Variants in PARD3 observed in about 807,000 individuals in gnomAD.
PARD3 encodes the protein partitioning defective 3 homolog.
PARD3 carries 75 observed loss-of-function variants against 155.4 expected under a neutral mutation model. The observed-to-expected ratio is 0.48, with a 90% CI of 0.40 to 0.58. The LOEUF is 0.58. Among genes scored for constraint, PARD3 ranks in the 20% least tolerant of loss-of-function variants. PARD3 has a pLI of 0.00. For synonymous variants in PARD3, 576 were observed against 610.5 expected, an observed-to-expected ratio of 0.94 and a Z score of 0.83; for missense variants, 1,642 against 1,721.7, an observed-to-expected ratio of 0.95 and a Z score of 0.82.
chr10:34,152,029 T>C (rs1425746686), intron 22 of PARD3, among the ~76,000 whole-genome samples: 1 of 152,190 alleles, frequency 6.6e-6, no homozygotes, highest in African/African-American at 2.4e-5. Context: ...TTGCCTTTTC[T>C]TAAAAGACCA....
intron 2 of PARD3, among the ~76,000 whole-genome samples, chr10:34,537,632 G>A (rs2083313192): frequency 6.6e-6 from 1 of 152,186 alleles, no homozygotes; most frequent in South Asian, 2.1e-4. Flanking sequence ...AAGCCACTCT[G>A]ACAATAAAAT....
intron 4 of PARD3, among the ~76,000 whole-genome samples, chr10:34,453,342 TTAA>T (rs1234861997): frequency 1.3e-5 from 2 of 152,246 alleles, no homozygotes; most frequent in Non-Finnish European, 2.9e-5. Context: ...TAATTTTACT[TTAA>T]CTATGGTTCT....
rs111426615 is a variant in PARD3, at chr10:34,324,231, C to G, written c.2833+6886G>C. 3.5e-3 allele frequency among the ~76,000 whole-genome samples: 533 copies of G among 152,290 alleles called. 1 individual carries two copies. The highest frequency in any genetic ancestry group is 0.012 in the African/African-American group (498 of 41,552). The stretch of plus-strand genomic sequence containing the variant: ...CTTTGCTTTTGTGTGTGTGAGGAAT[C>G]AGAATGCCTGCTTCCCAAAAGCGAA... On this transcript the variant is annotated intron_variant, in intron 19 of 24. Coordinates refer to ENST00000374788, the MANE Select transcript of PARD3 (RefSeq NM_001184785.2).
At chr10:34,412,730 A>G (rs1430370307) in intron 5 of PARD3, among the ~76,000 whole-genome samples, 1 of 152,196 alleles carries the variant, frequency 6.6e-6, no homozygotes, top group Non-Finnish European at 1.5e-5. Context: ...TTCCCTTGCG[A>G]TATAATTAAA....
chr10:34,574,495 A>C (rs1023261000), intron 2 of PARD3, among the ~76,000 whole-genome samples: 1 of 152,204 alleles, frequency 6.6e-6, no homozygotes, highest in Non-Finnish European at 1.5e-5. Context: ...ATTCACCAGG[A>C]ATCAAAGACA....
chr10:34,294,417 G>A (rs964144863), intron 20 of PARD3, among the ~76,000 whole-genome samples: 5 of 152,328 alleles, frequency 3.3e-5, no homozygotes, highest in African/African-American at 9.6e-5. Context: ...AAAGTTTTGG[G>A]ATTGGTGGTG....
chr10:34,179,848 AGAG>A (rs1345179182), intron 22 of PARD3, among the ~76,000 whole-genome samples: 3 of 152,150 alleles, frequency 2.0e-5, no homozygotes, highest in African/African-American at 4.8e-5. Context: ...AAAAAGCAAA[AGAG>A]GAGAAAGGGC....
At chr10:34,196,642 T>C (rs1274477) in intron 22 of PARD3, among the ~76,000 whole-genome samples, 66,891 of 147,810 alleles carry the variant, frequency 0.45, 15,478 homozygotes, top group African/African-American at 0.52. Context: ...GGCTCGATCT[T>C]GGCTCACTGC....
At chr10:34,758,765 G>C (rs763370237) in intron 1 of PARD3, among the ~76,000 whole-genome samples, 1 of 152,190 alleles carries the variant, frequency 6.6e-6, no homozygotes, top group Non-Finnish European at 1.5e-5. Flanking sequence ...GCAAGAACTA[G>C]AAAAGTCCAA....
intron 1 of PARD3, among the ~76,000 whole-genome samples, chr10:34,742,959 C>T (rs551235248): frequency 1.6e-4 from 25 of 152,254 alleles, no homozygotes; most frequent in Admixed American, 8.5e-4. Context: ...GTGCCAAGTA[C>T]CACTCAGCCA....
chr10:34,405,035 G>T (rs191435875), intron 5 of PARD3, among the ~76,000 whole-genome samples: 1 of 151,222 alleles, frequency 6.6e-6, no homozygotes. Flanking sequence ...GCATGCCACT[G>T]CACTCCAGCC....
chr10:34,246,093 C>G (rs1778871), intron 22 of PARD3, among the ~76,000 whole-genome samples: 38,354 of 152,158 alleles, frequency 0.25, 8,255 homozygotes, highest in African/African-American at 0.59. Context: ...ACACATTTTC[C>G]TGATGGCCTC....
In PARD3 at chr10:34,111,241, G is replaced by T. The variant is rs368043710; in HGVS notation, c.3990C>A (p.Pro1330=). The part of the protein sequence containing the change: ...PPKGPFRQDV[P]PSPSQVARLN... ...GCCTCGCAACCTGAGAAGGGGAGGG[G>T]GGCACATCTTGCCGGAAGGGCCCCT... is the stretch of plus-strand genomic sequence containing the variant. Residue 1330 remains proline (P), a synonymous_variant, in exon 25 of 25, where the codon CCC becomes CCA. Transcript: ENST00000374788. 6.2e-6 allele frequency: 10 copies of T among 1,612,386 alleles called. No individual in the cohort carries two copies. Among genetic ancestry groups the T allele is most frequent in the Non-Finnish European group, 8.5e-6 (10 of 1,178,610 alleles).
At chr10:34,193,332 T>C (rs1397631892) in intron 22 of PARD3, among the ~76,000 whole-genome samples, 1 of 152,216 alleles carries the variant, frequency 6.6e-6, no homozygotes, top group East Asian at 1.9e-4. Flanking sequence ...AAAATGTCAG[T>C]TCTATGAAGA....
At chr10:34,234,893 A>G (rs1439531173) in intron 22 of PARD3, among the ~76,000 whole-genome samples, 2 of 152,236 alleles carry the variant, frequency 1.3e-5, no homozygotes, top group Non-Finnish European at 2.9e-5. Context: ...CTTTCTTATA[A>G]AAATGATTTT....
intron 3 of PARD3, among the ~76,000 whole-genome samples, chr10:34,499,374 G>A (rs2080515572): frequency 6.6e-6 from 1 of 152,112 alleles, no homozygotes; most frequent in Non-Finnish European, 1.5e-5. Context: ...CATTTTCTAC[G>A]ATGATAGACT....
At chr10:34,497,648 T>C (rs141083728) in intron 3 of PARD3, among the ~76,000 whole-genome samples, 4 of 152,274 alleles carry the variant, frequency 2.6e-5, no homozygotes, top group Non-Finnish European at 4.4e-5. Context: ...ACAACATTCA[T>C]TGAGAAGAGG....
rs962780495 is a variant in PARD3, at chr10:34,546,460, C to T, written c.223-29301G>A. On this transcript the variant is annotated intron_variant, in intron 2 of 24. Coordinates refer to ENST00000374788, the MANE Select transcript of PARD3 (RefSeq NM_001184785.2). ...TGAACCCAGGAGGCAGAGGTTGCAG[C>T]GAGCCGAGACTGTACCACTGCACAC... is the stretch of plus-strand genomic sequence containing the variant. Among the ~76,000 whole-genome samples the T allele has an allele frequency of 1.3e-4, 19 of 151,350 alleles. No individual in the cohort carries two copies. In the South Asian group the frequency reaches 2.7e-3, roughly 22 times the overall value.
chr10:34,747,127 T>C (rs907850793), intron 1 of PARD3, among the ~76,000 whole-genome samples: 2 of 152,236 alleles, frequency 1.3e-5, no homozygotes, highest in Admixed American at 6.5e-5. Context: ...GCTAAGATTA[T>C]AAAGAACAGA....
Sources: allele counts gnomAD v4.1 joint callset (sites outside exome capture counted in the v4.1 genomes callset), GRCh38; gene constraint gnomAD v4.1.1; transcripts MANE v1.5; gene names NCBI Gene and HGNC (gene_info 2026-07-23, HGNC 2026-07-21).